The following HRG variants were observed in gnomAD, a reference collection of about 807,000 sequenced individuals.
HRG encodes histidine rich glycoprotein.
In HRG, 26 loss-of-function variants were observed where a neutral mutation model predicts 29.5. The observed-to-expected ratio is 0.88, with a 90% confidence interval of 0.65 to 1.22. HRG has a LOEUF of 1.22. HRG is among the 50% of genes most tolerant of loss of function. HRG has a pLI of 0.00. For missense variants in HRG, 671 were observed against 654.5 expected, an observed-to-expected ratio of 1.03 and a Z score of -0.28; for synonymous variants, 243 against 240.4, an observed-to-expected ratio of 1.01 and a Z score of -0.10.
intron 1 of HRG, chr3:186,668,694 G>T: frequency 4.1e-6 from 2 of 492,346 alleles, no homozygotes; most frequent in Non-Finnish European, 7.4e-6. Flanking sequence ...GCCGTTTAGT[G>T]ATAGCTTCTT....
At chr3:186,676,156 A>C (rs1436685094) in intron 6 of HRG, among the ~76,000 whole-genome samples, 28 of 152,002 alleles carry the variant, frequency 1.8e-4, no homozygotes, top group Admixed American at 1.8e-3. Flanking sequence ...GACATGAGCC[A>C]CCGTGCCCGG....
At position 186,677,523 on chromosome 3, in the gene HRG, C is replaced by T; in HGVS notation, c.1218C>T (p.Pro406=). ...PHGHHPHGHH[P]HCHDFQDYGP... is the part of the protein sequence containing the mutation. Reference sequence around the variant, plus strand: ...GACACCATCCCCATGGACACCATCCCCACTGCCATGATTTCCAAGACTATG... The same window carrying T: ...GACACCATCCCCATGGACACCATCCTCACTGCCATGATTTCCAAGACTATG... Residue 406 remains proline (P), a synonymous_variant, in exon 7 of 7, where the codon CCC becomes CCT. Coordinates refer to ENST00000232003, the MANE Select transcript of HRG (RefSeq NM_000412.5). The T allele has an allele frequency of 6.2e-7, 1 of 1,610,062 alleles. No individual in the cohort carries two copies. Among genetic ancestry groups the T allele is most frequent in the Non-Finnish European group, 8.5e-7 (1 of 1,177,326 alleles).
chr3:186,668,896 T>C (rs1718694299), intron 1 of HRG, 39 bp from the exon 2 acceptor site: 1 of 1,095,940 alleles, frequency 9.1e-7, no homozygotes, highest in Non-Finnish European at 1.4e-6. Flanking sequence ...CCGCTAGGTT[T>C]CCATGTGCTA....
intron 6 of HRG, among the ~76,000 whole-genome samples, chr3:186,676,568 A>C (rs553668698): frequency 5.3e-5 from 8 of 151,802 alleles, no homozygotes; most frequent in Non-Finnish European, 1.2e-4. Context: ...TGAAACAAGG[A>C]GTTCAACATG....
At chr3:186,676,910 G>C in intron 6 of HRG, 137 bp from the exon 7 acceptor site, 1 of 937,604 alleles carries the variant, frequency 1.1e-6, no homozygotes, top group South Asian at 1.5e-5. Context: ...AACAATTTGA[G>C]AATCTTTTTT....
chr3:186,668,183 G>T (rs1028212599), intron 1 of HRG, among the ~76,000 whole-genome samples: 1 of 152,188 alleles, frequency 6.6e-6, no homozygotes, highest in East Asian at 1.9e-4. Flanking sequence ...CATAGAGAGC[G>T]GGTGGATGGG....
intron 5 of HRG, chr3:186,674,707 G>C: frequency 5.9e-6 from 2 of 338,872 alleles, no homozygotes; most frequent in Non-Finnish European, 1.2e-5. Context: ...ACCAGCTGAA[G>C]TTGTAAAAAT....
At position 186,671,081 on chromosome 3, in the gene HRG, C is replaced by T. The variant is rs548728577; in HGVS notation, c.392-542C>T. Among the ~76,000 whole-genome samples, 57 of 151,358 alleles carry T rather than the reference C, an allele frequency of 3.8e-4. No homozygotes were observed. In the South Asian group the frequency reaches 4.2e-3, roughly 11 times the overall value. ...TTATTAAAATATTAGTGGCCTGGTGCGGTGGCTCACATCTATAATCCCAGC... is the reference window on the plus strand; with the variant it reads ...TTATTAAAATATTAGTGGCCTGGTGTGGTGGCTCACATCTATAATCCCAGC... On this transcript the variant is annotated intron_variant, in intron 3 of 6. Transcript: ENST00000232003.
chr3:186,669,343 TAAG>T (rs1718712984), intron 2 of HRG, among the ~76,000 whole-genome samples: 1 of 152,140 alleles, frequency 6.6e-6, no homozygotes, highest in Non-Finnish European at 1.5e-5. Flanking sequence ...GACTGTAAAA[TAAG>T]AAGTGGGTTT....
chr3:186,677,582 A>G lies in HRG; in HGVS notation c.1277A>G (p.His426Arg), dbSNP rs991165289. 1 of 1,614,126 alleles carries G rather than the reference A, an allele frequency of 6.2e-7. No homozygotes were observed. The highest frequency in any genetic ancestry group is 1.3e-5 in the African/African-American group (1 of 75,038). The change falls in exon 7 of 7, where the codon CAC becomes CGC. Residue 426 changes from histidine to arginine, a missense_variant. By Grantham distance (29) the His-to-Arg change is conservative (BLOSUM62 0). Coordinates refer to ENST00000232003, the MANE Select transcript of HRG (RefSeq NM_000412.5). ...GACCCACCACCCCATAACCAAGGTC[A>G]CTGTTGCCATGGCCACGGCCCACCA... ...PCDPPPHNQG[H>R]CCHGHGPPPG...
At chr3:186,669,496 T>G in intron 2 of HRG, 1 of 336,918 alleles carries the variant, frequency 3.0e-6, no homozygotes, top group Non-Finnish European at 5.7e-6. Context: ...AGGAATTGGG[T>G]CTTGCTCAGC....
intron 5 of HRG, chr3:186,673,526 A>T (rs1343297102): frequency 6.2e-6 from 1 of 161,156 alleles, no homozygotes; most frequent in African/African-American, 2.4e-5. Context: ...TAAGAACATG[A>T]TTTTATAATA....
At chr3:186,667,331 G>C (rs1718645103) in intron 1 of HRG, 1 of 152,216 alleles carries the variant, frequency 6.6e-6, no homozygotes, top group Admixed American at 6.5e-5. Context: ...CGGGGAGAGG[G>C]ATTCTACCAT....
chr3:186,678,036 G>A lies in HRG; in HGVS notation c.*153G>A. 1.3e-6 allele frequency: 1 copy of A among 757,966 alleles called. No homozygotes were observed. The highest frequency in any genetic ancestry group is 2.2e-6 in the Non-Finnish European group (1 of 463,330). The allele number at this position is 757,966 out of a possible 1,614,324, so 47.0% of individuals were successfully genotyped here. A position where few individuals can be genotyped will look rare whatever the true frequency, so the allele number is the denominator to read the frequency against. ...AATGGGAAAAGAGATGGCCTGAGAA[G>A]AGAGATCAAATGGAAAGGAGAGGAA... On this transcript the variant is annotated 3_prime_UTR_variant, in exon 7 of 7. Coordinates refer to ENST00000232003, the MANE Select transcript of HRG (RefSeq NM_000412.5).
At chr3:186,667,503 T>C (rs1040119906) in intron 1 of HRG, among the ~76,000 whole-genome samples, 3 of 152,066 alleles carry the variant, frequency 2.0e-5, no homozygotes, top group African/African-American at 7.2e-5. Context: ...AGTACCATAC[T>C]TTGAGATACC....
intron 3 of HRG, 118 bp downstream of exon 3, chr3:186,670,146 T>C (rs1369434601): frequency 6.9e-6 from 5 of 719,928 alleles, no homozygotes; most frequent in East Asian, 2.7e-5. Context: ...TATTCATGTA[T>C]ATCTATGATG....
rs767043667 is a variant in HRG, at chr3:186,666,078, C to T, written c.47C>T (p.Ser16Leu). 26 of 1,614,186 alleles carry T rather than the reference C, an allele frequency of 1.6e-5. 1 individual carries two copies. The South Asian group carries it at 1.9e-4, about 12-fold the overall frequency. ...AALLLITLQY[S>L]CAVSPTDCSA... ...CTGCTTTTGATCACATTGCAGTATT[C>T]GTGTGCCGTGAGTCCCACTGACTGC... Residue 16 changes from serine (S) to leucine (L), a missense_variant, in exon 1 of 7, where the codon TCG becomes TTG. By Grantham distance (145) the Ser-to-Leu change is moderately radical (BLOSUM62 -2). Transcript: ENST00000232003.
chr3:186,671,738 T>C lies in HRG; in HGVS notation c.507T>C (p.Asn169=). 6.2e-7 allele frequency: 1 copy of C among 1,613,952 alleles called. No individual in the cohort carries two copies. The highest frequency in any genetic ancestry group is 8.5e-7 in the Non-Finnish European group (1 of 1,179,894). ...NKALEKYKEE[N]DDFASFRVDR... ...CCCTTGAGAAGTACAAAGAGGAGAA[T>C]GATGACTTTGCCTCTTTCAGAGTGG... Residue 169 remains asparagine (N), a synonymous_variant, in exon 4 of 7, where the codon AAT becomes AAC. Coordinates refer to ENST00000232003, the MANE Select transcript of HRG (RefSeq NM_000412.5).
chr3:186,669,879 G>T (rs906572621), intron 2 of HRG, 59 bp from the exon 3 acceptor site: 1 of 848,464 alleles, frequency 1.2e-6, no homozygotes, highest in South Asian at 1.3e-5. Flanking sequence ...TTTCATATCT[G>T]ACCTGAGGAA....
Sources: gnomAD v4.1 joint callset for allele counts (sites outside exome capture counted in the v4.1 genomes callset) on GRCh38, gnomAD v4.1.1 for gene constraint, MANE v1.5 for transcripts, NCBI Gene and HGNC (gene_info 2026-07-23, HGNC 2026-07-21) for gene names.